The following TOP2A variants were observed in gnomAD, a reference collection of about 807,000 sequenced individuals.
TOP2A encodes DNA topoisomerase II alpha.
TOP2A carries 68 observed loss-of-function variants against 187.2 expected under a neutral mutation model. The ratio of observed to expected loss-of-function variants is 0.36; its 90% confidence interval spans 0.30 to 0.44. TOP2A has a LOEUF of 0.44. TOP2A is among the 20% of genes least tolerant of loss of function. The pLI is 1.00. For missense variants in TOP2A, 1,196 were observed against 1,808.7 expected, an observed-to-expected ratio of 0.66 and a Z score of 6.14; for synonymous variants, 542 against 593.2, an observed-to-expected ratio of 0.91 and a Z score of 1.25.
intron 1 of TOP2A, among the ~76,000 whole-genome samples, 195 bp from the exon 2 acceptor site, chr17:40,417,090 A>G (rs1292865890): frequency 1.3e-5 from 2 of 152,148 alleles, no homozygotes; most frequent in Non-Finnish European, 2.9e-5. Flanking sequence ...TGTCAGGTTA[A>G]ACAGACACAT....
At chr17:40,395,985 C>CT (rs59214602) in intron 28 of TOP2A, among the ~76,000 whole-genome samples, 11 of 142,640 alleles carry the variant, frequency 7.7e-5, no homozygotes, top group Admixed American at 1.4e-4. Flanking sequence ...AGTATTACCT[C>CT]TTTTTTTTTT....
intron 3 of TOP2A, 76 bp from the exon 4 acceptor site, chr17:40,416,144 G>GAAAAA: frequency 8.2e-7 from 1 of 1,214,514 alleles, no homozygotes; most frequent in Non-Finnish European, 1.2e-6. Flanking sequence ...GTAAGATATA[G>GAAAAA]AAAAAAAAGT....
chr17:40,392,273 C>T lies in TOP2A; in HGVS notation c.4033G>A (p.Asp1345Asn). ...GCATCTGATGGGACAAAATCTTCATCATCAGTTTTTTCATCAAAATCTGAG... is the reference window on the plus strand; with the variant it reads ...GCATCTGATGGGACAAAATCTTCATTATCAGTTTTTTCATCAAAATCTGAG... ...DFSDFDEKTD[D>N]EDFVPSDASP... The change falls in exon 31 of 35, where the codon GAT becomes AAT. Residue 1345 changes from aspartate to asparagine, a missense_variant. Asp to Asn is a conservative substitution (Grantham distance 23). This residue lies in a region of TOP2A where 374 missense variants were observed against 403.3 expected (regional missense o/e 0.93). Coordinates refer to ENST00000423485, the MANE Select transcript of TOP2A (RefSeq NM_001067.4). 6.2e-7 allele frequency: 1 copy of T among 1,611,846 alleles called. No homozygotes were observed. Among genetic ancestry groups the T allele is most frequent in the Non-Finnish European group, 8.5e-7 (1 of 1,178,858 alleles).
rs767512410 is a variant in TOP2A, at chr17:40,398,793, A to G, written c.3433T>C (p.Cys1145Arg). 3.7e-6 allele frequency: 6 copies of G among 1,611,784 alleles called. No homozygotes were observed. The highest frequency in any genetic ancestry group is 5.1e-6 in the Non-Finnish European group (6 of 1,179,318). ...CTCACTTTTTCATTTCTTAGCCTGC[A>G]GAGTTCATCTTTCTTTTCCTTGGTT... is the stretch of plus-strand genomic sequence containing the variant. ...YLTKEKKDELCRLRNEKEQEL... is the reference protein window; with the variant it reads ...YLTKEKKDELRRLRNEKEQEL... Residue 1145 changes from cysteine to arginine, a missense_variant, in exon 26 of 35, where the codon TGC becomes CGC. Transcript: ENST00000423485.
intron 20 of TOP2A, among the ~76,000 whole-genome samples, chr17:40,402,474 G>T (rs1269640953): frequency 6.6e-6 from 1 of 152,162 alleles, no homozygotes; most frequent in Non-Finnish European, 1.5e-5. Context: ...AGCTAATAAG[G>T]TAGAAGAGAA....
At chr17:40,414,399 A>C (rs1269623890) in intron 4 of TOP2A, among the ~76,000 whole-genome samples, 3 of 152,080 alleles carry the variant, frequency 2.0e-5, no homozygotes, top group African/African-American at 7.2e-5. Flanking sequence ...GGGTCTCACT[A>C]TATGGCCCAG....
At chr17:40,390,958 C>G (rs762077451) in intron 33 of TOP2A, among the ~76,000 whole-genome samples, 1 of 151,824 alleles carries the variant, frequency 6.6e-6, no homozygotes, top group East Asian at 1.9e-4. Flanking sequence ...ATACGTTTTA[C>G]GTTAAACATT....
Position 40,404,184 on chromosome 17 carries a change from C to T in TOP2A, c.2251G>A (p.Val751Met). The change falls in exon 19 of 35, where the codon GTG becomes ATG. Residue 751 changes from valine (V) to methionine (M), a missense_variant. This residue lies in a region of TOP2A where 209 missense variants were observed against 376.9 expected (regional missense o/e 0.55). Coordinates refer to ENST00000423485, the MANE Select transcript of TOP2A (RefSeq NM_001067.4). Reference protein sequence around the residue: ...EVKVAQLAGSVAEMSSYHHGE... With the variant: ...EVKVAQLAGSMAEMSSYHHGE... ...TGATGATAAGAAGACATTTCAGCCA[C>T]TGATCCAGCTAATTGGGCAACCTTT... 1 of 1,613,840 alleles carries T rather than the reference C, an allele frequency of 6.2e-7. No individual in the cohort carries two copies. The highest frequency in any genetic ancestry group is 8.5e-7 in the Non-Finnish European group (1 of 1,179,830).
Position 40,416,841 on chromosome 17 carries a change from T to C in TOP2A, c.76A>G (p.Lys26Glu), listed in dbSNP as rs1424484074. 1 of 1,610,774 alleles carries C rather than the reference T, an allele frequency of 6.2e-7. No homozygotes were observed. The highest frequency in any genetic ancestry group is 1.7e-5 in the Admixed American group (1 of 59,420). ...TAGATTCTTTCAACAGACAGTCTTTTCTTAGCATCTTCATTTTTCTTTATT... is the reference window on the plus strand; with the variant it reads ...TAGATTCTTTCAACAGACAGTCTTTCCTTAGCATCTTCATTTTTCTTTATT... ...NKIKKNEDAK[K>E]RLSVERIYQK... Residue 26 changes from lysine (K) to glutamate (E), a missense_variant, in exon 2 of 35, where the codon AAA becomes GAA. Lys to Glu is a moderately conservative substitution (Grantham distance 56). This residue lies in a region of TOP2A where 97 missense variants were observed against 171.0 expected (regional missense o/e 0.57). Transcript: ENST00000423485.
chr17:40,391,660 G>T lies in TOP2A; in HGVS notation c.4133-20C>A. On this transcript the variant is annotated intron_variant, in intron 32 of 34. Coordinates refer to ENST00000423485, the MANE Select transcript of TOP2A (RefSeq NM_001067.4). ...CAAGGTCTATTATTTCAAATGGAAA[G>T]GAAAATAGTACATTTAAGCAACACA... 1 of 1,556,048 alleles carries T rather than the reference G, an allele frequency of 6.4e-7. No individual in the cohort carries two copies. Among genetic ancestry groups the T allele is most frequent in the Non-Finnish European group, 8.7e-7 (1 of 1,155,132 alleles).
In TOP2A at chr17:40,401,788, G is replaced by A. The variant is rs77604211; in HGVS notation, c.2433-707C>T. 3.9e-5 allele frequency among the ~76,000 whole-genome samples: 6 copies of A among 152,148 alleles called. No homozygotes were observed. The East Asian group carries it at 5.8e-4, about 15-fold the overall frequency. On this transcript the variant is annotated intron_variant, in intron 20 of 34. Transcript: ENST00000423485. ...CTAGAGAAAGAGTGTTGCAGGCAAAGGAACCAGTAAGTAAAAGGCCCTGAA... is the reference window on the plus strand; with the variant it reads ...CTAGAGAAAGAGTGTTGCAGGCAAAAGAACCAGTAAGTAAAAGGCCCTGAA...
chr17:40,396,573 T>G, intron 27 of TOP2A, 108 bp from the exon 28 acceptor site: 2 of 1,376,574 alleles, frequency 1.5e-6, no homozygotes, highest in South Asian at 2.8e-5. Flanking sequence ...TAAAAACTAG[T>G]GATAAATTGC....
intron 7 of TOP2A, among the ~76,000 whole-genome samples, chr17:40,412,265 T>C (rs1029246748): frequency 3.3e-5 from 5 of 152,164 alleles, no homozygotes; most frequent in Middle Eastern, 3.2e-3. Flanking sequence ...GAGAAAGAAA[T>C]TCCTTCGGTA....
intron 30 of TOP2A, 103 bp from the exon 31 acceptor site, chr17:40,392,444 G>A: frequency 6.7e-7 from 1 of 1,483,750 alleles, no homozygotes; most frequent in Non-Finnish European, 9.1e-7. Flanking sequence ...TAAATCTCCT[G>A]AAAGATGCTT....
intron 7 of TOP2A, among the ~76,000 whole-genome samples, chr17:40,412,135 G>A (rs2035328838): frequency 1.3e-5 from 2 of 152,202 alleles, no homozygotes; most frequent in Admixed American, 6.5e-5. Context: ...GGTCCAGGCT[G>A]TAGTGAGCCG....
rs79747707 is a variant in TOP2A at position 40,408,619 on chromosome 17, A to G, written c.1215T>C (p.Cys405=). The change falls in exon 11 of 35, where the codon TGT becomes TGC. Residue 405 remains cysteine (C), a synonymous_variant. Coordinates refer to ENST00000423485, the MANE Select transcript of TOP2A (RefSeq NM_001067.4). ...SEKFIKAAIG[C]GIVESILNWV... ...AGTTTAGTATGCTTTCTACAATACC[A>G]CAGCCAATGGCCTGAAAACGAGAAG... 1 of 1,613,806 alleles carries G rather than the reference A, an allele frequency of 6.2e-7. No homozygotes were observed. The highest frequency in any genetic ancestry group is 1.7e-4 in the Middle Eastern group (1 of 6,060).
intron 1 of TOP2A, 24 bp from the exon 2 acceptor site, chr17:40,416,919 AAAG>A (rs1443629598): frequency 3.2e-6 from 5 of 1,561,030 alleles, no homozygotes; most frequent in Non-Finnish European, 4.3e-6. Context: ...AAAAAGAGAG[AAAG>A]AAGGGAATTT....
chr17:40,405,134 C>T (rs982793572), intron 16 of TOP2A, among the ~76,000 whole-genome samples: 8 of 151,284 alleles, frequency 5.3e-5, no homozygotes, highest in African/African-American at 9.7e-5. Context: ...GGATTAAAGG[C>T]GCCCGCCACC....
intron 19 of TOP2A, among the ~76,000 whole-genome samples, chr17:40,403,349 T>C (rs1022081800): frequency 6.6e-6 from 1 of 152,236 alleles, no homozygotes; most frequent in Non-Finnish European, 1.5e-5. Flanking sequence ...TTCATTTCTA[T>C]TCTAGCATGT....
Sources: allele counts gnomAD v4.1 joint callset (sites outside exome capture counted in the v4.1 genomes callset), GRCh38; gene constraint gnomAD v4.1.1; regional missense constraint gnomAD v4.1.1; transcripts MANE v1.5; gene names NCBI Gene and HGNC (gene_info 2026-07-23, HGNC 2026-07-21).